The following CLSTN2 variants were observed in gnomAD, a reference collection of about 807,000 sequenced individuals.
The protein encoded by CLSTN2 is calsyntenin 2, also known as calsyntenin-2.
In CLSTN2, 48 loss-of-function variants were observed where a neutral mutation model predicts 101.2. The observed-to-expected ratio is 0.47, with a 90% CI of 0.38 to 0.60. CLSTN2 has a LOEUF of 0.60. CLSTN2 is among the 20% of genes least tolerant of loss of function. The pLI is 0.00. For synonymous variants in CLSTN2, 481 were observed against 463.6 expected (o/e 1.04, Z -0.48); for missense variants, 1,160 against 1,238.2 (o/e 0.94, Z 0.95).
At chr3:140,517,021 T>A (rs1322321713) in intron 8 of CLSTN2, among the ~76,000 whole-genome samples, 2 of 152,174 alleles carry the variant, frequency 1.3e-5, no homozygotes, top group South Asian at 2.1e-4. Flanking sequence ...GCTCATTTTT[T>A]AAAAAATTCT....
At chr3:140,245,380 A>T (rs563305532) in intron 2 of CLSTN2, among the ~76,000 whole-genome samples, 2,131 of 152,260 alleles carry the variant, frequency 0.014, 51 homozygotes, top group African/African-American at 0.048. Flanking sequence ...AGAAATGAAG[A>T]AGACCAAGCA....
At chr3:140,006,147 T>G (rs1356088452) in intron 1 of CLSTN2, among the ~76,000 whole-genome samples, 1 of 152,230 alleles carries the variant, frequency 6.6e-6, no homozygotes, top group Non-Finnish European at 1.5e-5. Flanking sequence ...CAGTGGAGTT[T>G]CCATGGGTCC....
chr3:140,166,968 G>A (rs1411757883), intron 1 of CLSTN2, among the ~76,000 whole-genome samples: 2 of 152,114 alleles, frequency 1.3e-5, no homozygotes, highest in African/African-American at 2.4e-5. Flanking sequence ...GACTAACCTC[G>A]CTCTGTTGGA....
chr3:140,505,440 C>A (rs780190069), intron 8 of CLSTN2, among the ~76,000 whole-genome samples: 28 of 152,278 alleles, frequency 1.8e-4, no homozygotes, highest in Non-Finnish European at 3.7e-4. Flanking sequence ...GAAGGAGAGT[C>A]CCGTTACCAT....
At chr3:140,441,884 C>T (rs1353807544) in intron 5 of CLSTN2, among the ~76,000 whole-genome samples, 1 of 152,160 alleles carries the variant, frequency 6.6e-6, no homozygotes, top group Non-Finnish European at 1.5e-5. Context: ...CCCTCCCGAG[C>T]CTCACATATG....
chr3:140,107,034 A>G (rs1159931047), intron 1 of CLSTN2, among the ~76,000 whole-genome samples: 1 of 152,232 alleles, frequency 6.6e-6, no homozygotes, highest in African/African-American at 2.4e-5. Flanking sequence ...CATTAAAGAT[A>G]AAGATTTTAA....
rs569467027 is a variant in CLSTN2, at chr3:140,386,049, C to A, written c.233-17580C>A. On this transcript the variant is annotated intron_variant, in intron 2 of 16. Coordinates refer to ENST00000458420, the MANE Select transcript of CLSTN2 (RefSeq NM_022131.3). ...GAGTTTCACCTTCAGCATGAAGGTG[C>A]CACCATTCATGTTATCAATCACCAA... Among the ~76,000 whole-genome samples the A allele has an allele frequency of 5.3e-5, 8 of 152,288 alleles. No homozygotes were observed. The South Asian group carries it at 1.7e-3, about 32-fold the overall frequency.
At chr3:140,278,591 C>G (rs1184715225) in intron 2 of CLSTN2, among the ~76,000 whole-genome samples, 3 of 152,186 alleles carry the variant, frequency 2.0e-5, no homozygotes, top group Non-Finnish European at 4.4e-5. Flanking sequence ...TCATTACATC[C>G]CCTGGGCCAG....
intron 2 of CLSTN2, among the ~76,000 whole-genome samples, chr3:140,218,200 A>G (rs543958461): frequency 6.6e-6 from 1 of 152,326 alleles, no homozygotes; most frequent in African/African-American, 2.4e-5. Context: ...TAAGAAAATG[A>G]TTAGCTTGAT....
At chr3:140,227,161 C>T (rs1489320901) in intron 2 of CLSTN2, among the ~76,000 whole-genome samples, 4 of 152,326 alleles carry the variant, frequency 2.6e-5, no homozygotes, top group African/African-American at 9.6e-5. Context: ...CAAGGCAAGA[C>T]CCTTCCACCT....
chr3:140,523,459 C>CT (rs1297883889), intron 8 of CLSTN2, among the ~76,000 whole-genome samples: 2 of 152,040 alleles, frequency 1.3e-5, no homozygotes, highest in Non-Finnish European at 2.9e-5. Flanking sequence ...CTCTTTCCAG[C>CT]TTTTTTATTT....
intron 8 of CLSTN2, among the ~76,000 whole-genome samples, chr3:140,520,076 T>A (rs12632522): frequency 0.11 from 17,431 of 152,294 alleles, 1,143 homozygotes; most frequent in Non-Finnish European, 0.15. Context: ...AGCTAACTTT[T>A]GCTGGTTCTG....
chr3:140,543,902 A>G (rs189336986), intron 9 of CLSTN2, among the ~76,000 whole-genome samples: 272 of 152,354 alleles, frequency 1.8e-3, no homozygotes, highest in African/African-American at 6.2e-3. Flanking sequence ...CCTGGGTCCC[A>G]GGTCCACCCC....
intron 8 of CLSTN2, among the ~76,000 whole-genome samples, chr3:140,510,362 TGCTGATTATGTATGCAAAAGTC>T (rs1467592898): frequency 6.6e-6 from 1 of 152,182 alleles, no homozygotes; most frequent in Non-Finnish European, 1.5e-5. Flanking sequence ...AAAAAACCCC[TGCTGATTATGTATGCAAAAGTC>T]GCAGCACGGT....
intron 1 of CLSTN2, among the ~76,000 whole-genome samples, chr3:140,001,488 G>T: frequency 6.6e-6 from 1 of 150,564 alleles, no homozygotes; most frequent in East Asian, 1.9e-4. Flanking sequence ...AAAAACTTTT[G>T]TGAGTACATA....
At chr3:140,310,660 A>G (rs976952670) in intron 2 of CLSTN2, among the ~76,000 whole-genome samples, 3 of 152,012 alleles carry the variant, frequency 2.0e-5, no homozygotes, top group African/African-American at 7.3e-5. Context: ...CATCTATCCT[A>G]TTCTATTCTA....
intron 1 of CLSTN2, among the ~76,000 whole-genome samples, chr3:140,009,105 G>A (rs1378109868): frequency 6.6e-6 from 1 of 152,170 alleles, no homozygotes. Context: ...AACATGGAAT[G>A]GACTTGTCTT....
rs2086617015 is a variant in CLSTN2, at chr3:140,257,799, T to C, written c.232+81726T>C. 2.0e-5 allele frequency among the ~76,000 whole-genome samples: 3 copies of C among 152,286 alleles called. No homozygotes were observed. The South Asian group carries it at 6.2e-4, about 32-fold the overall frequency. ...AACTTTGCTGATATAAACATAAATA[T>C]TAAAAATGGCATTGTCATGATTTTT... On this transcript the variant is annotated intron_variant, in intron 2 of 16. Coordinates refer to ENST00000458420, the MANE Select transcript of CLSTN2 (RefSeq NM_022131.3).
intron 2 of CLSTN2, among the ~76,000 whole-genome samples, chr3:140,384,557 C>T (rs1165301929): frequency 6.6e-6 from 1 of 152,102 alleles, no homozygotes; most frequent in Non-Finnish European, 1.5e-5. Context: ...GCCCAGGGGT[C>T]GCCTGGTGCA....
Sources: allele counts gnomAD v4.1 joint callset (sites outside exome capture counted in the v4.1 genomes callset), GRCh38; gene constraint gnomAD v4.1.1; transcripts MANE v1.5; gene names NCBI Gene and HGNC (gene_info 2026-07-23, HGNC 2026-07-21).